CREBBP: variants seen among roughly 807,000 people sequenced by gnomAD.
The protein encoded by CREBBP is CREB-binding protein.
CREBBP carries 19 observed loss-of-function variants against 265.0 expected under a neutral mutation model. The ratio of observed to expected loss-of-function variants is 0.07; its 90% CI spans 0.05 to 0.11. CREBBP has a LOEUF of 0.11. Ranked by LOEUF, CREBBP falls within the 10% of genes least tolerant of loss-of-function variation. The pLI is 1.00. For missense variants in CREBBP, 2,525 were observed against 3,219.0 expected (o/e 0.78, Z 5.22); for synonymous variants, 1,457 against 1,223.7 (o/e 1.19, Z -3.98).
chr16:3,873,096 C>A (rs774379501), intron 1 of CREBBP, among the ~76,000 whole-genome samples: 3 of 152,240 alleles, frequency 2.0e-5, no homozygotes, highest in African/African-American at 4.8e-5. Context: ...TAAGTACTCA[C>A]AGGCATCTAT....
rs534527597 is a variant in CREBBP, at chr16:3,835,941, G to C, written c.798+14356C>G. Among the ~76,000 whole-genome samples, 4 of 151,944 alleles carry C rather than the reference G, an allele frequency of 2.6e-5. No individual in the cohort carries two copies. In the South Asian group the frequency reaches 6.2e-4, roughly 24 times the overall value. On this transcript the variant is annotated intron_variant, in intron 2 of 30. Coordinates refer to ENST00000262367, the MANE Select transcript of CREBBP (RefSeq NM_004380.3). Reference sequence around the variant, plus strand: ...CCCCAATGTCCATTAATGGGAGAACGGACAAGCAAATTATGCTCTAGTCAC... The same window carrying C: ...CCCCAATGTCCATTAATGGGAGAACCGACAAGCAAATTATGCTCTAGTCAC...
chr16:3,869,838 A>G (rs1006125241), intron 1 of CREBBP, among the ~76,000 whole-genome samples: 2 of 152,172 alleles, frequency 1.3e-5, no homozygotes, highest in African/African-American at 4.8e-5. Context: ...GTTCTCCCCT[A>G]AAGTTTCAGT....
Position 3,728,072 on chromosome 16 carries a change from T to G in CREBBP, c.6975A>C (p.Pro2325=). 6.2e-7 allele frequency: 1 copy of G among 1,614,072 alleles called. No individual in the cohort carries two copies. Among genetic ancestry groups the G allele is most frequent in the Non-Finnish European group, 8.5e-7 (1 of 1,179,972 alleles). The part of the protein sequence containing the change: ...SPQQHMLSGQ[P]QASHLPGQQI... ...GCTGGCCAGGGAGATGCGAGGCCTG[T>G]GGCTGTCCTGAGAGCATGTGTTGCT... Residue 2325 remains proline (P), a synonymous_variant, in exon 31 of 31, where the codon CCA becomes CCC. Coordinates refer to ENST00000262367, the MANE Select transcript of CREBBP (RefSeq NM_004380.3). This position sits in a 1 kb window ranked among gnomAD's most constrained non-coding sequence, Gnocchi z 8.7.
chr16:3,730,657 C>T (rs186985744), intron 30 of CREBBP: 240 of 179,114 alleles, frequency 1.3e-3, no homozygotes, highest in Non-Finnish European at 2.2e-3. Context: ...CCGCTCTGCC[C>T]CGCTACAGAC....
At chr16:3,870,636 C>T (rs551775748) in intron 1 of CREBBP, among the ~76,000 whole-genome samples, 22 of 152,306 alleles carry the variant, frequency 1.4e-4, no homozygotes, top group African/African-American at 5.3e-4. Context: ...CCAAACTGCA[C>T]TAGAGCTGGC....
chr16:3,876,356 T>TTA (rs1321544258), intron 1 of CREBBP, among the ~76,000 whole-genome samples: 1 of 127,118 alleles, frequency 7.9e-6, no homozygotes, highest in Non-Finnish European at 1.6e-5. Flanking sequence ...TCAAAAAACT[T>TTA]TATAAACAGT....
chr16:3,823,138 T>C (rs1441635156), intron 2 of CREBBP, among the ~76,000 whole-genome samples: 2 of 152,242 alleles, frequency 1.3e-5, no homozygotes, highest in Non-Finnish European at 2.9e-5. Flanking sequence ...TTTCTCTGGA[T>C]GGCTTGTAAG....
At chr16:3,850,157 T>C in intron 2 of CREBBP, 140 bp downstream of exon 2, 1 of 793,530 alleles carries the variant, frequency 1.3e-6, no homozygotes, top group Non-Finnish European at 2.2e-6. Context: ...GAAAGAAATC[T>C]GTCTCTTCCA....
chr16:3,760,391 GTTTTTTTTTTTTTTTTTT>G (rs35861892), intron 16 of CREBBP, among the ~76,000 whole-genome samples: 1 of 75,912 alleles, frequency 1.3e-5, no homozygotes, highest in Non-Finnish European at 2.5e-5. Context: ...TCATGCCCAG[GTTTTTTTTTTTTTTTTTT>G]TTTTTTTTTT....
intron 1 of CREBBP, among the ~76,000 whole-genome samples, chr16:3,858,347 C>T (rs1268213730): frequency 2.6e-5 from 4 of 152,148 alleles, no homozygotes; most frequent in Admixed American, 2.6e-4. Flanking sequence ...TCCATAATAC[C>T]TTATTTTCTT....
At position 3,793,609 on chromosome 16, in the gene CREBBP, T is replaced by G. The variant is rs756500657; in HGVS notation, c.993A>C (p.Ser331=). 4.3e-6 allele frequency: 7 copies of G among 1,613,330 alleles called. No homozygotes were observed. The Middle Eastern group carries it at 1.3e-3, about 301-fold the overall frequency. Residue 331 remains serine, a synonymous_variant, in exon 4 of 31, where the codon TCA becomes TCC. Transcript: ENST00000262367. ...TTGCTTGTGTGGGTACAATTCCCAC[T>G]GATGTTTGCATCTGAGACTAAAATA... ...NVPNMSQMQT[S]VGIVPTQAIA... is the part of the protein sequence containing the mutation.
intron 16 of CREBBP, among the ~76,000 whole-genome samples, chr16:3,762,753 C>A (rs2052753000): frequency 1.3e-5 from 2 of 152,078 alleles, no homozygotes; most frequent in African/African-American, 4.8e-5. Context: ...AAATAAAAAA[C>A]TCAGTTCCTC....
At position 3,728,326 on chromosome 16, in the gene CREBBP, G is replaced by C. The variant is rs1179950806; in HGVS notation, c.6721C>G (p.Pro2241Ala). 6.8e-6 allele frequency: 11 copies of C among 1,612,460 alleles called. No individual in the cohort carries two copies. The highest frequency in any genetic ancestry group is 4.0e-5 in the African/African-American group (3 of 74,856). Reference sequence around the variant, plus strand: ...CGCTGCTGCTGCTGCATGGCCGGTGGGTAGCCTCCGGGTCCTTGAGGCTGC... The same window carrying C: ...CGCTGCTGCTGCTGCATGGCCGGTGCGTAGCCTCCGGGTCCTTGAGGCTGC... ...FQQPQGPGGYPPAMQQQQRMQ... is the reference protein window; with the variant it reads ...FQQPQGPGGYAPAMQQQQRMQ... The change falls in exon 31 of 31, where the codon CCA (proline) becomes GCA (alanine). Residue 2241 changes from proline (P) to alanine (A), a missense_variant. Pro to Ala is a conservative substitution (Grantham distance 27). Transcript: ENST00000262367. This position sits in a 1 kb window ranked among gnomAD's most constrained non-coding sequence, Gnocchi z 8.7.
chr16:3,728,834 C>T lies in CREBBP; in HGVS notation c.6213G>A (p.Leu2071=), dbSNP rs763895259. 4 of 1,613,470 alleles carry T rather than the reference C, an allele frequency of 2.5e-6. No homozygotes were observed. The East Asian group carries it at 8.9e-5, about 36-fold the overall frequency. Residue 2071 remains leucine (L), a synonymous_variant, in exon 31 of 31, where the codon CTG becomes CTA. Coordinates refer to ENST00000262367, the MANE Select transcript of CREBBP (RefSeq NM_004380.3). This position sits in a 1 kb window ranked among gnomAD's most constrained non-coding sequence, Gnocchi z 8.7. The part of the protein sequence containing the change: ...SISPSALQDL[L]RTLKSPSSPQ... ...GGGAGCTGGGCGACTTCAGGGTCCGCAGCAGGTCTTGCAGAGCGCTGGGTG... is the reference window on the plus strand; with the variant it reads ...GGGAGCTGGGCGACTTCAGGGTCCGTAGCAGGTCTTGCAGAGCGCTGGGTG...
chr16:3,763,309 C>T (rs1207713014), intron 16 of CREBBP, among the ~76,000 whole-genome samples: 3 of 151,984 alleles, frequency 2.0e-5, no homozygotes, highest in Non-Finnish European at 2.9e-5. Context: ...TAAGCATGCA[C>T]CACCATAACC....
rs1050483077 is a variant in CREBBP, at chr16:3,866,494, C to G, written c.85+13338G>C. Among the ~76,000 whole-genome samples the G allele has an allele frequency of 5.9e-5, 9 of 152,270 alleles. No individual in the cohort carries two copies. The South Asian group carries it at 1.9e-3, about 32-fold the overall frequency. The stretch of plus-strand genomic sequence containing the variant: ...CTAAAGGTTTTGCAACAGGAATTAA[C>G]TAAAACTTTGCTTCTCACCATTTAA... On this transcript the variant is annotated intron_variant, in intron 1 of 30. Coordinates refer to ENST00000262367, the MANE Select transcript of CREBBP (RefSeq NM_004380.3).
At chr16:3,779,877 GAGGATT>G (rs2053232422) in intron 8 of CREBBP, among the ~76,000 whole-genome samples, 1 of 152,022 alleles carries the variant, frequency 6.6e-6, no homozygotes, top group Non-Finnish European at 1.5e-5. Flanking sequence ...GCCAAGGCAA[GAGGATT>G]ACTTGAGGCC....
At chr16:3,786,139 G>T (rs1418086140) in intron 5 of CREBBP, among the ~76,000 whole-genome samples, 1 of 152,186 alleles carries the variant, frequency 6.6e-6, no homozygotes, top group African/African-American at 2.4e-5. Flanking sequence ...GAGGCAGGTG[G>T]ATCACTTGAG....
chr16:3,767,623 G>C (rs902190254), intron 16 of CREBBP, 97 bp downstream of exon 16: 53 of 1,525,848 alleles, frequency 3.5e-5, no homozygotes, highest in Non-Finnish European at 4.4e-5. Context: ...AGGGCAGATA[G>C]AATTATGTTT....
Sources: allele counts gnomAD v4.1 joint callset (sites outside exome capture counted in the v4.1 genomes callset), GRCh38; gene constraint gnomAD v4.1.1; non-coding constraint Gnocchi (gnomAD v3.1); transcripts MANE v1.5; gene names NCBI Gene and HGNC (gene_info 2026-07-23, HGNC 2026-07-21).